Variants in PTPRJ observed in about 807,000 individuals in gnomAD.
The protein encoded by PTPRJ is protein tyrosine phosphatase receptor type J, also known as receptor-type tyrosine-protein phosphatase eta.
PTPRJ carries 129 observed loss-of-function variants against 141.3 expected under a neutral mutation model. The observed-to-expected ratio is 0.91, with a 90% CI of 0.79 to 1.06. The LOEUF (loss-of-function observed/expected upper bound fraction) is 1.06, where lower values mean the gene tolerates loss of function less well. PTPRJ is among the 50% of genes least tolerant of loss of function. The probability of loss-of-function intolerance (pLI) is 0.00; values close to 1 mark genes in which losing one functional copy is unlikely to be tolerated. For missense variants in PTPRJ, 1,601 were observed against 1,679.7 expected (o/e 0.95, Z 0.82); for synonymous variants, 610 against 640.5 (o/e 0.95, Z 0.72).
chr11:48,139,206 T>C (rs1857174773), intron 10 of PTPRJ, among the ~76,000 whole-genome samples: 3 of 152,226 alleles, frequency 2.0e-5, no homozygotes, highest in African/African-American at 7.2e-5. Context: ...ATGATACAGC[T>C]GACTCTCATG....
At chr11:48,063,803 G>A (rs995658554) in intron 1 of PTPRJ, among the ~76,000 whole-genome samples, 3 of 152,094 alleles carry the variant, frequency 2.0e-5, no homozygotes, top group African/African-American at 7.2e-5. Flanking sequence ...GGGGAAGGAG[G>A]TTCCCCTTGG....
chr11:47,983,462 C>G (rs1050618861), intron 1 of PTPRJ, among the ~76,000 whole-genome samples: 1 of 152,208 alleles, frequency 6.6e-6, no homozygotes, highest in Non-Finnish European at 1.5e-5. Flanking sequence ...GGAAAAGACA[C>G]AGCTCTGTTT....
At chr11:48,095,125 T>C (rs1855971310) in intron 1 of PTPRJ, among the ~76,000 whole-genome samples, 1 of 152,198 alleles carries the variant, frequency 6.6e-6, no homozygotes, top group South Asian at 2.1e-4. Flanking sequence ...CTGTCCAGTG[T>C]CTATTCAGAA....
chr11:48,152,558 T>C (rs1280448673), intron 18 of PTPRJ, among the ~76,000 whole-genome samples: 1 of 152,256 alleles, frequency 6.6e-6, no homozygotes, highest in Non-Finnish European at 1.5e-5. Flanking sequence ...CTAGGTTTTC[T>C]TCTAGGGTTT....
At chr11:48,015,853 CAAAAAAAAAAAA>C (rs34543165) in intron 1 of PTPRJ, 2 of 50,486 alleles carry the variant, frequency 4.0e-5, no homozygotes, top group African/African-American at 1.3e-4. Context: ...GACTCTGTCT[CAAAAAAAAAAAA>C]AAAAAAAAAA....
intron 1 of PTPRJ, among the ~76,000 whole-genome samples, chr11:48,055,999 T>G (rs910429241): frequency 1.3e-5 from 2 of 152,240 alleles, no homozygotes; most frequent in African/African-American, 2.4e-5. Context: ...TTGACTTTTG[T>G]GCTCCCTGGG....
intron 1 of PTPRJ, among the ~76,000 whole-genome samples, chr11:48,019,466 C>G (rs1855050799): frequency 6.6e-6 from 1 of 150,924 alleles, no homozygotes; most frequent in Non-Finnish European, 1.5e-5. Flanking sequence ...CCCTGTGTTG[C>G]CTGTTCAGCA....
intron 1 of PTPRJ, among the ~76,000 whole-genome samples, chr11:48,101,941 A>G (rs967865209): frequency 6.6e-6 from 1 of 152,130 alleles, no homozygotes; most frequent in African/African-American, 2.4e-5. Context: ...GCAGAATGGT[A>G]CATTTTATAT....
intron 2 of PTPRJ, among the ~76,000 whole-genome samples, chr11:48,110,983 A>G (rs534565819): frequency 1.3e-5 from 2 of 152,348 alleles, no homozygotes; most frequent in South Asian, 2.1e-4. Flanking sequence ...AAACATTTCT[A>G]TAAGAATTGA....
At chr11:48,075,895 C>T (rs987429771) in intron 1 of PTPRJ, among the ~76,000 whole-genome samples, 18 of 152,158 alleles carry the variant, frequency 1.2e-4, no homozygotes, top group African/African-American at 1.9e-4. Context: ...CCAACCTGCC[C>T]GTTGTTTTCT....
At chr11:48,005,023 A>T (rs1016063816) in intron 1 of PTPRJ, among the ~76,000 whole-genome samples, 1 of 152,064 alleles carries the variant, frequency 6.6e-6, no homozygotes, top group Non-Finnish European at 1.5e-5. Flanking sequence ...GGAGTTCAAG[A>T]TCAGCATGGC....
intron 1 of PTPRJ, among the ~76,000 whole-genome samples, chr11:48,057,389 G>C (rs1364972831): frequency 6.6e-6 from 1 of 152,216 alleles, no homozygotes; most frequent in Non-Finnish European, 1.5e-5. Context: ...GAGAGGCACA[G>C]TGTAAAGAAG....
intron 8 of PTPRJ, chr11:48,132,713 A>AT: frequency 3.2e-6 from 3 of 927,128 alleles, no homozygotes; most frequent in Non-Finnish European, 3.9e-6. Flanking sequence ...ATATATATAT[A>AT]AAAGAAATGG....
At chr11:47,986,514 A>G (rs1035519249) in intron 1 of PTPRJ, among the ~76,000 whole-genome samples, 2 of 152,102 alleles carry the variant, frequency 1.3e-5, no homozygotes, top group African/African-American at 4.8e-5. Flanking sequence ...ATTAGTTCAT[A>G]TGACAATTTT....
chr11:48,159,100 GT>G lies in PTPRJ; in HGVS notation c.3439-829del, dbSNP rs1565333175. Among the ~76,000 whole-genome samples the G allele has an allele frequency of 1.5e-3, 211 of 140,742 alleles. 8 individuals are homozygous for G. Among genetic ancestry groups the G allele is most frequent in the African/African-American group, 4.8e-3 (178 of 37,368 alleles). The allele number at this position is 140,742 out of a possible 152,430, so 92.3% of individuals were successfully genotyped here. A position where few individuals can be genotyped will look rare whatever the true frequency, so the allele number is the denominator to read the frequency against. ...GTGTGCGTGTGTGTGTATGTGGGGT[GT>G]GTGTGTGTGTGTGTATGTGGGGTGT... On this transcript the variant is annotated intron_variant, in intron 21 of 24. Transcript: ENST00000418331.
chr11:47,996,587 C>A (rs979834448), intron 1 of PTPRJ, among the ~76,000 whole-genome samples: 1 of 152,202 alleles, frequency 6.6e-6, no homozygotes, highest in South Asian at 2.1e-4. Context: ...GGCACTCAGT[C>A]CAGATCATGG....
In PTPRJ at chr11:48,169,129, T is replaced by C. The variant is rs35318681; in HGVS notation, c.*1767T>C. ...ATGGGTCTTTTAGGGTTCTAAAGGG[T>C]GAACCACACTTTTAAAGCCCCGGCT... On this transcript the variant is annotated 3_prime_UTR_variant, in exon 25 of 25. Coordinates refer to ENST00000418331, the MANE Select transcript of PTPRJ (RefSeq NM_002843.4). 2.6e-5 allele frequency: 4 copies of C among 152,184 alleles called. No homozygotes were observed. The highest frequency in any genetic ancestry group is 9.7e-5 in the African/African-American group (4 of 41,446). 9.4% of individuals were successfully genotyped at this position (152,184 alleles called of 1,614,324 possible).
intron 1 of PTPRJ, among the ~76,000 whole-genome samples, chr11:47,987,534 A>G (rs1374358902): frequency 6.6e-6 from 1 of 152,234 alleles, no homozygotes; most frequent in Non-Finnish European, 1.5e-5. Context: ...CCAACCAACC[A>G]GTCACAGTTG....
At position 48,137,300 on chromosome 11, in the gene PTPRJ, GC is replaced by G. The variant is rs773119107; in HGVS notation, c.2152+21del. The G allele has an allele frequency of 5.0e-6, 8 of 1,606,542 alleles. No individual in the cohort carries two copies. In the Admixed American group the frequency reaches 8.4e-5, roughly 17 times the overall value. On this transcript the variant is annotated intron_variant, in intron 10 of 24. Coordinates refer to ENST00000418331, the MANE Select transcript of PTPRJ (RefSeq NM_002843.4). Reference sequence around the variant, plus strand: ...TGTACAGGTGAGTGTAGCCCCAACTGCCTCTTGGACTCCTCCCTGAGTGGTG... The same window carrying G: ...TGTACAGGTGAGTGTAGCCCCAACTGCTCTTGGACTCCTCCCTGAGTGGTG...
Sources: allele counts gnomAD v4.1 joint callset (sites outside exome capture counted in the v4.1 genomes callset), GRCh38; gene constraint gnomAD v4.1.1; transcripts MANE v1.5; gene names NCBI Gene and HGNC (gene_info 2026-07-23, HGNC 2026-07-21).